Variants in CCDC171 observed in about 807,000 individuals in gnomAD.
CCDC171 encodes coiled-coil domain containing 171.
Under a neutral mutation model 168.2 loss-of-function variants are expected in CCDC171, and 177 were observed. That is an observed-to-expected ratio of 1.05 (90% CI 0.93 to 1.19). The LOEUF (loss-of-function observed/expected upper bound fraction) is 1.19, where lower values mean the gene tolerates loss of function less well. CCDC171 is among the 50% of genes most tolerant of loss of function. The pLI is 0.00. For missense variants in CCDC171, 1,991 were observed against 1,539.0 expected (o/e 1.29, Z -4.91); for synonymous variants, 687 against 540.8 (o/e 1.27, Z -3.75).
the CCDC171 span, among the ~76,000 whole-genome samples, chr9:16,106,284 A>C: frequency 5.9e-3 from 896 of 152,338 alleles, 6 homozygotes; most frequent in African/African-American, 0.02. Context: ...TGCCCAAACA[A>C]AAGGCAGCTG....
intron 24 of CCDC171, among the ~76,000 whole-genome samples, chr9:15,895,954 T>A (rs889705676): frequency 6.6e-6 from 1 of 152,104 alleles, no homozygotes; most frequent in Non-Finnish European, 1.5e-5. Context: ...TCTAAGATTA[T>A]TGTTGCCTTT....
At chr9:15,773,792 G>C (rs1179188409) in intron 18 of CCDC171, among the ~76,000 whole-genome samples, 3 of 151,636 alleles carry the variant, frequency 2.0e-5, no homozygotes, top group South Asian at 2.1e-4. Context: ...AAATAGAGGG[G>C]GCATAATTAA....
At chr9:15,905,595 A>G (rs1025470486) in intron 24 of CCDC171, among the ~76,000 whole-genome samples, 2 of 152,206 alleles carry the variant, frequency 1.3e-5, no homozygotes, top group African/African-American at 4.8e-5. Context: ...TGACATCCTA[A>G]CATCACAATT....
chr9:16,055,062 G>A (rs1833816250), intron 1 of CCDC171, among the ~76,000 whole-genome samples: 1 of 152,138 alleles, frequency 6.6e-6, no homozygotes, highest in Non-Finnish European at 1.5e-5. Flanking sequence ...TGGGAAGGTA[G>A]GATTTGAGGA....
At chr9:15,964,687 C>A (rs1057421373) in intron 25 of CCDC171, among the ~76,000 whole-genome samples, 1 of 152,178 alleles carries the variant, frequency 6.6e-6, no homozygotes, top group Non-Finnish European at 1.5e-5. Context: ...GAAAATGGGA[C>A]ATATTGTCTT....
At chr9:15,808,798 T>C (rs1180581138) in intron 21 of CCDC171, among the ~76,000 whole-genome samples, 2 of 152,294 alleles carry the variant, frequency 1.3e-5, no homozygotes, top group East Asian at 3.9e-4. Flanking sequence ...GGATGTTGCC[T>C]TAGTCTATTT....
chr9:15,976,555 T>C (rs1831624489), downstream of CCDC171, among the ~76,000 whole-genome samples: 1 of 151,984 alleles, frequency 6.6e-6, no homozygotes, highest in Non-Finnish European at 1.5e-5. Flanking sequence ...TTTTATTCCA[T>C]TTTGGTTGGC....
intron 3 of CCDC171, among the ~76,000 whole-genome samples, chr9:15,994,140 A>G (rs1427824189): frequency 6.7e-6 from 1 of 149,898 alleles, no homozygotes; most frequent in Non-Finnish European, 1.5e-5. Flanking sequence ...ATGCACATGT[A>G]TGTTTATTGC....
intron 24 of CCDC171, among the ~76,000 whole-genome samples, chr9:15,898,747 C>T (rs908360090): frequency 1.3e-5 from 2 of 152,090 alleles, no homozygotes; most frequent in African/African-American, 2.4e-5. Flanking sequence ...AAAAATAGCA[C>T]AGGGAGGTCC....
chr9:15,558,430 A>G (rs558836002), intron 1 of CCDC171, among the ~76,000 whole-genome samples: 3 of 152,232 alleles, frequency 2.0e-5, no homozygotes, highest in African/African-American at 7.2e-5. Flanking sequence ...TGGTCTTTTC[A>G]GGGATTCAAC....
rs188923796 is a variant in CCDC171 at position 15,920,938 on chromosome 9, A to G, written c.3753+516A>G. Among the ~76,000 whole-genome samples, 385 of 150,524 alleles carry G rather than the reference A, an allele frequency of 2.6e-3. 2 individuals carry two copies. Among genetic ancestry groups the G allele is most frequent in the Middle Eastern group, 6.8e-3 (2 of 294 alleles). ...TCATGTCTTAAAATTTCAGCCCATG[A>G]TGAAGTTTGGGCTCACTTAACACTA... is the stretch of plus-strand genomic sequence containing the variant. On this transcript the variant is annotated intron_variant, in intron 25 of 25. Coordinates refer to ENST00000380701, the MANE Select transcript of CCDC171 (RefSeq NM_173550.4).
chr9:15,602,805 G>A (rs956742387), intron 6 of CCDC171, among the ~76,000 whole-genome samples: 5 of 150,996 alleles, frequency 3.3e-5, no homozygotes, highest in East Asian at 1.9e-4. Flanking sequence ...TTACAGGCAC[G>A]CACCACCATG....
intron 6 of CCDC171, among the ~76,000 whole-genome samples, chr9:16,034,104 C>T (rs569300471): frequency 6.6e-6 from 1 of 152,322 alleles, no homozygotes; most frequent in Admixed American, 6.5e-5. Flanking sequence ...GGGAAACATG[C>T]CACCTAGTAG....
intron 21 of CCDC171, among the ~76,000 whole-genome samples, chr9:15,789,871 A>G (rs10962160): frequency 0.37 from 55,565 of 150,664 alleles, 12,588 homozygotes; most frequent in East Asian, 0.65. Flanking sequence ...TTGTCCCTGC[A>G]ATAGTTTGCT....
At chr9:16,040,123 AC>A (rs1054927729), upstream of CCDC171, among the ~76,000 whole-genome samples, 6 of 151,620 alleles carry the variant, frequency 4.0e-5, no homozygotes, top group Non-Finnish European at 8.8e-5. Flanking sequence ...GTGCCCTGTT[AC>A]CCCCTCACTC....
intron 24 of CCDC171, among the ~76,000 whole-genome samples, chr9:15,906,884 C>G (rs1589077298): frequency 6.6e-6 from 1 of 151,946 alleles, no homozygotes; most frequent in African/African-American, 2.4e-5. Context: ...CAATAACAGA[C>G]AAGCAGACAT....
intron 25 of CCDC171, among the ~76,000 whole-genome samples, chr9:15,931,003 C>T (rs1289713747): frequency 6.6e-6 from 1 of 151,528 alleles, no homozygotes; most frequent in Non-Finnish European, 1.5e-5. Flanking sequence ...TTCTAATATA[C>T]AACATTTTAC....
At chr9:16,044,099 A>G (rs1359956) in intron 1 of CCDC171, among the ~76,000 whole-genome samples, 63,037 of 152,150 alleles carry the variant, frequency 0.41, 14,553 homozygotes, top group East Asian at 0.74. Context: ...TGTCTCCCCA[A>G]TGGGCTGTCC....
chr9:15,949,662 A>G (rs201238037), intron 25 of CCDC171, among the ~76,000 whole-genome samples: 6 of 152,284 alleles, frequency 3.9e-5, no homozygotes, highest in South Asian at 2.1e-4. Context: ...TTTTGTATCC[A>G]GAGACTTTGC....
Sources: allele counts gnomAD v4.1 joint callset (sites outside exome capture counted in the v4.1 genomes callset), GRCh38; gene constraint gnomAD v4.1.1; transcripts MANE v1.5; gene names NCBI Gene and HGNC (gene_info 2026-07-23, HGNC 2026-07-21).